The following TBC1D17 variants were observed in gnomAD, a reference collection of about 807,000 sequenced individuals.
The protein encoded by TBC1D17 is TBC1 domain family, member 17.
Under a neutral mutation model 78.8 loss-of-function variants are expected in TBC1D17, and 69 were observed. The observed-to-expected ratio is 0.88, with a 90% CI of 0.72 to 1.07. The LOEUF (loss-of-function observed/expected upper bound fraction) is 1.07, where lower values mean the gene tolerates loss of function less well. Ranked by LOEUF, TBC1D17 falls within the 50% of genes least tolerant of loss-of-function variation. The pLI is 0.00. For missense variants in TBC1D17, 957 were observed against 861.0 expected, an observed-to-expected ratio of 1.11 and a Z score of -1.39; for synonymous variants, 456 against 358.3, an observed-to-expected ratio of 1.27 and a Z score of -3.08.
At position 49,881,337 on chromosome 19, in the gene TBC1D17, G is replaced by A. The variant is rs146455335; in HGVS notation, c.389G>A (p.Arg130His). 2.1e-5 allele frequency: 34 copies of A among 1,613,164 alleles called. No homozygotes were observed. In the African/African-American group the frequency reaches 3.7e-4, roughly 18 times the overall value. Reference sequence around the variant, plus strand: ...AGTCTGGGGGAGCTAAAGTCCATCCGCCGCTCCAAGCCAGGCCTCAGCTGG... The same window carrying A: ...AGTCTGGGGGAGCTAAAGTCCATCCACCGCTCCAAGCCAGGCCTCAGCTGG... ...SVSLGELKSIRRSKPGLSWAY... is the reference protein window; with the variant it reads ...SVSLGELKSIHRSKPGLSWAY... Residue 130 changes from arginine (R) to histidine (H), a missense_variant, in exon 5 of 17, where the codon CGC becomes CAC. By Grantham distance (29) the Arg-to-His change is conservative (BLOSUM62 0). Transcript: ENST00000221543.
At chr19:49,887,876 G>A (rs779149274) in intron 15 of TBC1D17, 42 bp downstream of exon 15, 2 of 1,519,016 alleles carry the variant, frequency 1.3e-6, no homozygotes, top group African/African-American at 1.4e-5. Flanking sequence ...CCCCTGAGCT[G>A]GGCGCTGCCC....
At chr19:49,878,645 G>T in intron 3 of TBC1D17, 73 bp downstream of exon 3, 1 of 1,444,450 alleles carries the variant, frequency 6.9e-7, no homozygotes, top group South Asian at 1.1e-5. Flanking sequence ...TCATTTGAGG[G>T]ACCTGCGTAC....
At chr19:49,888,163 G>A (rs1273336387) in intron 15 of TBC1D17, 68 bp from the exon 16 acceptor site, 2 of 1,549,040 alleles carry the variant, frequency 1.3e-6, no homozygotes, top group East Asian at 4.9e-5. Flanking sequence ...CCAGCACGAA[G>A]CACAGAGTGG....
intron 2 of TBC1D17, 63 bp downstream of exon 2, chr19:49,878,304 A>T: frequency 1.4e-6 from 2 of 1,473,388 alleles, no homozygotes; most frequent in Non-Finnish European, 1.9e-6. Flanking sequence ...TCTGGGATGC[A>T]GGCGGCAGCT....
At chr19:49,884,158 CCAG>C (rs1409491902) in intron 10 of TBC1D17, 92 bp from the exon 11 acceptor site, 2 of 1,145,070 alleles carry the variant, frequency 1.7e-6, no homozygotes, top group Admixed American at 1.8e-5. Flanking sequence ...CTGGGGGCTG[CCAG>C]CAGGAGGAGC....
intron 1 of TBC1D17, 130 bp from the exon 2 acceptor site, chr19:49,878,013 T>A (rs946591021): frequency 1.2e-6 from 1 of 811,694 alleles, no homozygotes; most frequent in Non-Finnish European, 1.9e-6. Context: ...TCTCCCCGCC[T>A]TGGTCCCGGG....
chr19:49,887,350 C>T lies in TBC1D17; in HGVS notation c.1445-126C>T, dbSNP rs2075066931. The T allele has an allele frequency of 6.3e-6, 6 of 948,218 alleles. No individual in the cohort carries two copies. In the African/African-American group the frequency reaches 8.1e-5, roughly 13 times the overall value. The allele number at this position is 948,218 out of a possible 1,614,324, so 58.7% of individuals were successfully genotyped here. On this transcript the variant is annotated intron_variant, in intron 13 of 16. Transcript: ENST00000221543. ...TTCAGGGCTGCTCCTGCCTCACCTC[C>T]GAGGTTCCCCAGCCAGGCATAAGTC...
chr19:49,887,937 G>A, intron 15 of TBC1D17, 103 bp downstream of exon 15: 1 of 1,114,060 alleles, frequency 9.0e-7, no homozygotes, highest in East Asian at 2.6e-5. Context: ...ATTATTGAAA[G>A]CCTGGTTAGT....
intron 3 of TBC1D17, among the ~76,000 whole-genome samples, chr19:49,879,958 A>C (rs761740848): frequency 2.0e-5 from 3 of 147,580 alleles, no homozygotes; most frequent in Non-Finnish European, 4.5e-5. Flanking sequence ...GGTTCAAGCG[A>C]TTTTCCTTTC....
intron 13 of TBC1D17, among the ~76,000 whole-genome samples, chr19:49,886,171 T>G (rs1293824777): frequency 6.6e-6 from 1 of 151,468 alleles, no homozygotes; most frequent in Non-Finnish European, 1.5e-5. Context: ...TCCCAGCTAC[T>G]CAGGAGGCTG....
At chr19:49,880,935 A>T (rs2075007216) in intron 4 of TBC1D17, among the ~76,000 whole-genome samples, 1 of 152,072 alleles carries the variant, frequency 6.6e-6, no homozygotes, top group Admixed American at 6.5e-5. Flanking sequence ...ATTGTAGCTC[A>T]AGTGTGGGAT....
chr19:49,888,648 C>T lies in TBC1D17; in HGVS notation c.*24C>T. 2 of 1,520,272 alleles carry T rather than the reference C, an allele frequency of 1.3e-6. No homozygotes were observed. The highest frequency in any genetic ancestry group is 1.2e-5 in the South Asian group (1 of 82,252). 94.2% of individuals were successfully genotyped at this position (1,520,272 alleles called of 1,614,324 possible). A position where few individuals can be genotyped will look rare whatever the true frequency, so the allele number is the denominator to read the frequency against. Reference sequence around the variant, plus strand: ...AACCCCGCCAGGCAGCCTCGTTCTGCACAGGCACTTTAGCCCGAGCCAGGC... The same window carrying T: ...AACCCCGCCAGGCAGCCTCGTTCTGTACAGGCACTTTAGCCCGAGCCAGGC... On this transcript the variant is annotated 3_prime_UTR_variant, in exon 17 of 17. Coordinates refer to ENST00000221543, the MANE Select transcript of TBC1D17 (RefSeq NM_024682.3).
At chr19:49,884,160 A>AGCAGGAGGAGCAGTGGGG (rs1568676352) in intron 10 of TBC1D17, 93 bp from the exon 11 acceptor site, 3 of 1,159,064 alleles carry the variant, frequency 2.6e-6, no homozygotes, top group Non-Finnish European at 3.8e-6. Flanking sequence ...GGGGGCTGCC[A>AGCAGGAGGAGCAGTGGGG]GCAGGAGGAG....
At chr19:49,880,869 C>T (rs2075006497) in intron 4 of TBC1D17, among the ~76,000 whole-genome samples, 2 of 152,216 alleles carry the variant, frequency 1.3e-5, no homozygotes, top group Admixed American at 1.3e-4. Flanking sequence ...GAGAGAGCAG[C>T]CCGTGCAAGC....
Position 49,885,040 on chromosome 19 carries a change from C to A in TBC1D17, c.1444+282C>A. On this transcript the variant is annotated intron_variant, in intron 13 of 16. Coordinates refer to ENST00000221543, the MANE Select transcript of TBC1D17 (RefSeq NM_024682.3). ...CAGGGTATTTTTCAGAAATAAGGAC[C>A]TAGGCATTCCTGCCACTTCTTATCC... 4 of 446,340 alleles carry A rather than the reference C, an allele frequency of 9.0e-6. No individual in the cohort carries two copies. The South Asian group carries it at 1.0e-4, about 12-fold the overall frequency. The allele number at this position is 446,340 out of a possible 1,614,324, so 27.6% of individuals were successfully genotyped here.
At chr19:49,877,827 T>A in intron 1 of TBC1D17, 83 bp downstream of exon 1, 1 of 1,472,462 alleles carries the variant, frequency 6.8e-7, no homozygotes, top group Non-Finnish European at 9.2e-7. Context: ...AGGCCTTGGC[T>A]CTCGAGAATC....
intron 4 of TBC1D17, 123 bp from the exon 5 acceptor site, chr19:49,881,145 G>A: frequency 2.6e-6 from 2 of 773,302 alleles, no homozygotes; most frequent in Non-Finnish European, 4.1e-6. Flanking sequence ...GCCAGGGGCA[G>A]AGGGGTGGCT....
rs2075036749 is a variant in TBC1D17, at chr19:49,883,839, C to T, written c.1126+94C>T. 4 of 1,102,510 alleles carry T rather than the reference C, an allele frequency of 3.6e-6. No homozygotes were observed. The African/African-American group carries it at 4.6e-5, about 13-fold the overall frequency. The allele number at this position is 1,102,510 out of a possible 1,614,324, so 68.3% of individuals were successfully genotyped here. The stretch of plus-strand genomic sequence containing the variant: ...GCGAGTGGGAGATAGAGGGAGCCCC[C>T]TGCCTCCCCAAGACCAGTGAGAGGG... On this transcript the variant is annotated intron_variant, in intron 10 of 16. Coordinates refer to ENST00000221543, the MANE Select transcript of TBC1D17 (RefSeq NM_024682.3).
intron 13 of TBC1D17, chr19:49,885,244 T>TC (rs1215032451): frequency 5.8e-6 from 1 of 171,902 alleles, no homozygotes; most frequent in Non-Finnish European, 1.3e-5. Context: ...GGTCAGGAGT[T>TC]CAAGACCAGC....
Sources: allele counts gnomAD v4.1 joint callset (sites outside exome capture counted in the v4.1 genomes callset), GRCh38; gene constraint gnomAD v4.1.1; transcripts MANE v1.5; gene names NCBI Gene and HGNC (gene_info 2026-07-23, HGNC 2026-07-21).